TNRC6B: variants seen among roughly 807,000 people sequenced by gnomAD.
TNRC6B encodes trinucleotide repeat containing adaptor 6B, also known as trinucleotide repeat-containing gene 6B protein.
Under a neutral mutation model 203.6 loss-of-function variants are expected in TNRC6B, and 52 were observed. The observed-to-expected ratio is 0.26, with a 90% CI of 0.20 to 0.32. TNRC6B has a LOEUF of 0.32. Among genes scored for constraint, TNRC6B ranks in the 10% least tolerant of loss-of-function variants. The pLI is 1.00. For synonymous variants in TNRC6B, 838 were observed against 845.7 expected (o/e 0.99, Z 0.16); for missense variants, 1,923 against 2,286.2 (o/e 0.84, Z 3.24).
At chr22:40,097,367 G>A (rs1353093478) in intron 1 of TNRC6B, among the ~76,000 whole-genome samples, 3 of 151,954 alleles carry the variant, frequency 2.0e-5, no homozygotes, top group African/African-American at 7.3e-5. Context: ...GTGCAGTGGT[G>A]TGATCATGGC....
chr22:40,307,001 C>G (rs950964846), intron 15 of TNRC6B, among the ~76,000 whole-genome samples: 8 of 152,040 alleles, frequency 5.3e-5, no homozygotes, highest in African/African-American at 1.9e-4. Flanking sequence ...ATAATAATTT[C>G]ATTTGAAATA....
rs375524285 is a variant in TNRC6B, at chr22:40,264,878, C to T, written c.648C>T (p.Thr216=). Residue 216 remains threonine (T), a synonymous_variant, in exon 5 of 23, where the codon ACC becomes ACT. Coordinates refer to ENST00000454349, the MANE Select transcript of TNRC6B (RefSeq NM_001162501.2). ...CTGAATCTTCTTCCGAAAACACCACCGATAACAACAGTGCCTCGAACCCTG... is the reference window on the plus strand; with the variant it reads ...CTGAATCTTCTTCCGAAAACACCACTGATAACAACAGTGCCTCGAACCCTG... ...KDTESSSENT[T]DNNSASNPGS... 25 of 1,613,762 alleles carry T rather than the reference C, an allele frequency of 1.5e-5. No individual in the cohort carries two copies. Among genetic ancestry groups the T allele is most frequent in the East Asian group, 8.9e-5 (4 of 44,882 alleles).
intron 4 of TNRC6B, among the ~76,000 whole-genome samples, chr22:40,163,306 C>G (rs1007101949): frequency 2.1e-5 from 3 of 144,434 alleles, no homozygotes; most frequent in African/African-American, 7.7e-5. Context: ...TCCAGCTTCT[C>G]AAGATCACCT....
chr22:40,174,730 C>T (rs949468989), upstream of TNRC6B, among the ~76,000 whole-genome samples: 2 of 151,186 alleles, frequency 1.3e-5, no homozygotes, highest in Non-Finnish European at 2.9e-5. Context: ...GAGGCTGAGG[C>T]AGGAGAATGG....
At chr22:40,097,446 C>T (rs1189101302) in intron 1 of TNRC6B, among the ~76,000 whole-genome samples, 1 of 152,086 alleles carries the variant, frequency 6.6e-6, no homozygotes, top group Non-Finnish European at 1.5e-5. Context: ...ACTAGGACTA[C>T]ACGTGGGTGC....
intron 1 of TNRC6B, among the ~76,000 whole-genome samples, chr22:40,068,524 G>C (rs1163037082): frequency 3.3e-5 from 5 of 152,024 alleles, no homozygotes; most frequent in Non-Finnish European, 7.4e-5. Flanking sequence ...CACCATGTTG[G>C]CCAGGCTGGT....
intron 1 of TNRC6B, among the ~76,000 whole-genome samples, chr22:40,213,912 T>C (rs748993335): frequency 1.3e-5 from 2 of 151,942 alleles, no homozygotes; most frequent in Middle Eastern, 3.2e-3. Flanking sequence ...ATATGTAAGC[T>C]CTCTTCCTTA....
chr22:40,331,749 G>A lies in TNRC6B; in HGVS notation c.*8508G>A, dbSNP rs569359458. On this transcript the variant is annotated 3_prime_UTR_variant, in exon 23 of 23. Transcript: ENST00000454349. ...AATTGTAACTATGCATTCTGCAAAGGGGGTGGGGAGGAGAGGGCAGAAAGG... is the reference window on the plus strand; with the variant it reads ...AATTGTAACTATGCATTCTGCAAAGAGGGTGGGGAGGAGAGGGCAGAAAGG... The A allele has an allele frequency of 2.6e-6, 1 of 385,236 alleles. No homozygotes were observed. The highest frequency in any genetic ancestry group is 3.6e-5 in the East Asian group (1 of 27,554). 23.9% of individuals were successfully genotyped at this position (385,236 alleles called of 1,614,324 possible).
At chr22:40,056,695 G>C (rs1404020880) in intron 1 of TNRC6B, among the ~76,000 whole-genome samples, 1 of 151,846 alleles carries the variant, frequency 6.6e-6, no homozygotes, top group Non-Finnish European at 1.5e-5. Flanking sequence ...CTACTCAAAA[G>C]GCTGAGGCAG....
intron 1 of TNRC6B, among the ~76,000 whole-genome samples, chr22:40,102,905 C>G (rs1390470892): frequency 1.3e-5 from 2 of 151,980 alleles, no homozygotes; most frequent in African/African-American, 4.8e-5. Flanking sequence ...GGTGAAACCC[C>G]GTCTCTACTA....
chr22:40,286,154 C>A (rs2070777305), intron 12 of TNRC6B, among the ~76,000 whole-genome samples: 1 of 152,106 alleles, frequency 6.6e-6, no homozygotes, highest in Non-Finnish European at 1.5e-5. Flanking sequence ...AGGCTGGTTG[C>A]CCTCAAGGAT....
At chr22:40,257,816 A>C (rs2070304424) in intron 3 of TNRC6B, among the ~76,000 whole-genome samples, 1 of 152,180 alleles carries the variant, frequency 6.6e-6, no homozygotes, top group South Asian at 2.1e-4. Flanking sequence ...TGAAGTCAGG[A>C]GTTCGAGACT....
rs938378124 is a variant in TNRC6B, at chr22:40,194,370, G to A, written c.5+16230G>A. On this transcript the variant is annotated intron_variant, in intron 1 of 22. Transcript: ENST00000454349. Reference sequence around the variant, plus strand: ...GGCTACACAGGTAGGAAGTGACCCCGATGGCCTCGGCTGCTGAGCTTCTGT... The same window carrying A: ...GGCTACACAGGTAGGAAGTGACCCCAATGGCCTCGGCTGCTGAGCTTCTGT... Among the ~76,000 whole-genome samples, 5 of 152,154 alleles carry A rather than the reference G, an allele frequency of 3.3e-5. No homozygotes were observed. The South Asian group carries it at 1.0e-3, about 32-fold the overall frequency.
intron 1 of TNRC6B, among the ~76,000 whole-genome samples, chr22:40,219,396 G>T (rs2069677898): frequency 1.3e-5 from 2 of 152,178 alleles, no homozygotes; most frequent in Non-Finnish European, 2.9e-5. Context: ...CTAGGCTTGG[G>T]AATGAAGACA....
Position 40,265,692 on chromosome 22 carries a change from C to T in TNRC6B, c.1462C>T (p.Pro488Ser), listed in dbSNP as rs1601469506. 1 of 1,613,866 alleles carries T rather than the reference C, an allele frequency of 6.2e-7. No individual in the cohort carries two copies. Among genetic ancestry groups the T allele is most frequent in the Non-Finnish European group, 8.5e-7 (1 of 1,179,872 alleles). Residue 488 changes from proline to serine, a missense_variant, in exon 5 of 23, where the codon CCC (proline) becomes TCC (serine). Coordinates refer to ENST00000454349, the MANE Select transcript of TNRC6B (RefSeq NM_001162501.2). ...RSTGGSWNFG[P>S]QDSNDNKWGE... The stretch of plus-strand genomic sequence containing the variant: ...TACGGGTGGGTCCTGGAACTTTGGC[C>T]CCCAGGACTCTAATGACAACAAATG...
intron 3 of TNRC6B, among the ~76,000 whole-genome samples, chr22:40,127,535 C>T (rs949456553): frequency 3.3e-4 from 50 of 152,212 alleles, no homozygotes; most frequent in African/African-American, 1.2e-3. Context: ...TTCTGAGGTA[C>T]ATATACACCC....
intron 4 of TNRC6B, among the ~76,000 whole-genome samples, chr22:40,171,207 G>C (rs2068994313): frequency 6.9e-6 from 1 of 145,208 alleles, no homozygotes; most frequent in South Asian, 2.2e-4. Flanking sequence ...TGTCACCCAG[G>C]CTGGAGTGCA....
In TNRC6B at chr22:40,107,196, C is replaced by T. The variant is rs868167855; in HGVS notation, c.-120-9859C>T. On this transcript the variant is annotated intron_variant, in intron 1 of 23. Transcript: ENST00000301923. ...CTATTTAAGAAATCCTTCCCTACCC[C>T]TAGGCTATGAAGCATTTTCCCATAT... 3.3e-4 allele frequency: 167 copies of T among 503,456 alleles called. 1 individual carries two copies. Among genetic ancestry groups the T allele is most frequent in the Middle Eastern group, 2.7e-3 (5 of 1,880 alleles). 31.2% of individuals were successfully genotyped at this position (503,456 alleles called of 1,614,324 possible). A position where few individuals can be genotyped will look rare whatever the true frequency, so the allele number is the denominator to read the frequency against.
At position 40,178,173 on chromosome 22, in the gene TNRC6B, T is replaced by C. The variant is rs1168500351; in HGVS notation, c.5+33T>C. The C allele has an allele frequency of 6.8e-6, 11 of 1,611,602 alleles. No individual in the cohort carries two copies. In the South Asian group the frequency reaches 1.2e-4, roughly 18 times the overall value. ...AATATTTTCAATTTTTTTTAACCAA[T>C]TGATTTATATGGATCTTGTCTAACC... is the stretch of plus-strand genomic sequence containing the variant. On this transcript the variant is annotated intron_variant, in intron 1 of 22. Coordinates refer to ENST00000454349, the MANE Select transcript of TNRC6B (RefSeq NM_001162501.2).
Sources: allele counts gnomAD v4.1 joint callset (sites outside exome capture counted in the v4.1 genomes callset), GRCh38; gene constraint gnomAD v4.1.1; transcripts MANE v1.5; gene names NCBI Gene and HGNC (gene_info 2026-07-23, HGNC 2026-07-21).